The following SLC35F5 variants were observed in gnomAD, a reference collection of about 807,000 sequenced individuals.
SLC35F5 encodes the protein HCV NS5A-transactivated protein 3.
SLC35F5 carries 54 observed loss-of-function variants against 68.6 expected under a neutral mutation model. The ratio of observed to expected loss-of-function variants is 0.79; its 90% CI spans 0.63 to 0.99. The LOEUF is 0.99. SLC35F5 is among the 50% of genes least tolerant of loss of function. SLC35F5 has a pLI of 0.00. For missense variants in SLC35F5, 567 were observed against 626.9 expected (o/e 0.90, Z 1.02); for synonymous variants, 211 against 205.2 (o/e 1.03, Z -0.24).
At chr2:113,726,419 ATT>A (rs1687665885) in intron 11 of SLC35F5, among the ~76,000 whole-genome samples, 1 of 152,216 alleles carries the variant, frequency 6.6e-6, no homozygotes, top group South Asian at 2.1e-4. Context: ...TCTATAATAA[ATT>A]TTGTTGTACT....
chr2:113,722,366 A>C (rs1687477772), intron 13 of SLC35F5, among the ~76,000 whole-genome samples: 1 of 146,478 alleles, frequency 6.8e-6, no homozygotes, highest in African/African-American at 2.5e-5. Context: ...TTCAAATTAT[A>C]TTAGACTAAA....
intron 3 of SLC35F5, among the ~76,000 whole-genome samples, chr2:113,750,821 C>T (rs1167016426): frequency 2.0e-5 from 3 of 152,226 alleles, no homozygotes; most frequent in East Asian, 1.9e-4. Context: ...GGACCTACCA[C>T]GAAACAGTGC....
rs1428305387 is a variant in SLC35F5 at position 113,729,519 on chromosome 2, CAT to C, written c.986-16_986-15del. 4 of 1,454,112 alleles carry C rather than the reference CAT, an allele frequency of 2.8e-6. No individual in the cohort carries two copies. In the East Asian group the frequency reaches 9.2e-5, roughly 34 times the overall value. 90.1% of individuals were successfully genotyped at this position (1,454,112 alleles called of 1,614,324 possible). Reference sequence around the variant, plus strand: ...ACCAAATGGAACCTGTAAAAATGGACATGATTTAAAGCAATCACTCATTAGCT... The same window carrying C: ...ACCAAATGGAACCTGTAAAAATGGACGATTTAAAGCAATCACTCATTAGCT... On this transcript the variant is annotated splice_polypyrimidine_tract_variant and intron_variant, in intron 10 of 15. Coordinates refer to ENST00000245680, the MANE Select transcript of SLC35F5 (RefSeq NM_025181.5).
rs774934312 is a variant in SLC35F5 at position 113,723,176 on chromosome 2, T to C, written c.1269A>G (p.Ser423=). The change falls in exon 13 of 16, where the codon TCA becomes TCG. Residue 423 remains serine, a synonymous_variant. Coordinates refer to ENST00000245680, the MANE Select transcript of SLC35F5 (RefSeq NM_025181.5). ...FLWLWGCFLT[S]SLIGTLALSL... Reference sequence around the variant, plus strand: ...TTAGTGCAAGTGTGCCTATCAATGATGAGGTAAGAAAGCAGCCCCTAAAAA... The same window carrying C: ...TTAGTGCAAGTGTGCCTATCAATGACGAGGTAAGAAAGCAGCCCCTAAAAA... 3 of 1,591,214 alleles carry C rather than the reference T, an allele frequency of 1.9e-6. No homozygotes were observed. The highest frequency in any genetic ancestry group is 4.5e-5 in the East Asian group (2 of 44,042).
In SLC35F5 at chr2:113,712,323, CTTTT is replaced by C. The variant is rs71969221; in HGVS notation, c.*2891_*2894del. Among the ~76,000 whole-genome samples the C allele has an allele frequency of 6.7e-6, 1 of 148,238 alleles. No individual in the cohort carries two copies. Among genetic ancestry groups the C allele is most frequent in the African/African-American group, 2.5e-5 (1 of 40,516 alleles). On this transcript the variant is annotated 3_prime_UTR_variant, in exon 16 of 16. Coordinates refer to ENST00000245680, the MANE Select transcript of SLC35F5 (RefSeq NM_025181.5). Reference sequence around the variant, plus strand: ...AAAGCATTCATTTCAAAAGTATTCACTTTTTTTTTTTTTGAGACGGAGTCTCGCT... The same window carrying C: ...AAAGCATTCATTTCAAAAGTATTCACTTTTTTTTTGAGACGGAGTCTCGCT...
At chr2:113,755,362 A>G in intron 2 of SLC35F5, 56 bp from the exon 3 acceptor site, 1 of 1,606,694 alleles carries the variant, frequency 6.2e-7, no homozygotes, top group Non-Finnish European at 8.5e-7. Context: ...AACAACCATT[A>G]AAAATGAGAA....
At chr2:113,755,756 C>G in intron 1 of SLC35F5, 2 of 1,155,256 alleles carry the variant, frequency 1.7e-6, no homozygotes, top group Non-Finnish European at 2.5e-6. Flanking sequence ...ACGGGGCGGG[C>G]AGGGAGGGGG....
In SLC35F5 at chr2:113,755,283, A is replaced by G. The variant is rs201324940; in HGVS notation, c.155T>C (p.Val52Ala). ...KTRLQMVCVFVMNRMNSQNSG... is the reference protein window; with the variant it reads ...KTRLQMVCVFAMNRMNSQNSG... ...GTTCTGGGAATTCATTCGGTTCATGACAAATACACACACCATTTGCAGTCT... is the reference window on the plus strand; with the variant it reads ...GTTCTGGGAATTCATTCGGTTCATGGCAAATACACACACCATTTGCAGTCT... The change falls in exon 3 of 16, where the codon GTC becomes GCC. Residue 52 changes from valine (V) to alanine (A), a missense_variant. Val to Ala is a moderately conservative substitution (Grantham distance 64, BLOSUM62 0). Coordinates refer to ENST00000245680, the MANE Select transcript of SLC35F5 (RefSeq NM_025181.5). The G allele has an allele frequency of 1.2e-6, 2 of 1,614,076 alleles. No homozygotes were observed. Among genetic ancestry groups the G allele is most frequent in the African/African-American group, 2.7e-5 (2 of 74,940 alleles).
chr2:113,703,547 C>T (rs1175333557), downstream of SLC35F5: 1 of 152,162 alleles, frequency 6.6e-6, no homozygotes, highest in African/African-American at 2.4e-5. Context: ...TTTTCTCACT[C>T]CTCTCCAGCT....
Position 113,707,345 on chromosome 2 carries a change from T to G in SLC35F5, c.*7873A>C, listed in dbSNP as rs899137636. 2.0e-5 allele frequency among the ~76,000 whole-genome samples: 3 copies of G among 152,208 alleles called. No homozygotes were observed. The highest frequency in any genetic ancestry group is 4.8e-5 in the African/African-American group (2 of 41,458). ...TTAATCAGAATGATGCAATCTTGTC[T>G]TATATAAATATACAAATCACAGTAT... On this transcript the variant is annotated 3_prime_UTR_variant, in exon 16 of 16. Transcript: ENST00000245680.
At position 113,711,614 on chromosome 2, in the gene SLC35F5, C is replaced by T. The variant is rs1241402062; in HGVS notation, c.*3604G>A. 6.6e-6 allele frequency among the ~76,000 whole-genome samples: 1 copy of T among 152,128 alleles called. No homozygotes were observed. The highest frequency in any genetic ancestry group is 1.5e-5 in the Non-Finnish European group (1 of 68,012). On this transcript the variant is annotated 3_prime_UTR_variant, in exon 16 of 16. Coordinates refer to ENST00000245680, the MANE Select transcript of SLC35F5 (RefSeq NM_025181.5). ...GACACGGCAGACTATTAAAATAGAA[C>T]TCAAACTTCAAATTCTGTAAACTGA...
intron 8 of SLC35F5, among the ~76,000 whole-genome samples, chr2:113,735,363 T>A (rs1688047539): frequency 6.6e-6 from 1 of 152,194 alleles, no homozygotes; most frequent in Non-Finnish European, 1.5e-5. Flanking sequence ...TAGAGCATAC[T>A]CACACAAACC....
At position 113,742,745 on chromosome 2, in the gene SLC35F5, C is replaced by T. The variant is rs776807826; in HGVS notation, c.697G>A (p.Gly233Arg). The T allele has an allele frequency of 6.2e-7, 1 of 1,614,022 alleles. No individual in the cohort carries two copies. Among genetic ancestry groups the T allele is most frequent in the South Asian group, 1.1e-5 (1 of 91,064 alleles). ...KEQESILKTV[G>R]KLTATQVAKI... Reference sequence around the variant, plus strand: ...GCTACTTGAGTTGCAGTAAGTTTCCCCACAGTTTTCAGTATGGATTCTTGT... The same window carrying T: ...GCTACTTGAGTTGCAGTAAGTTTCCTCACAGTTTTCAGTATGGATTCTTGT... The change falls in exon 7 of 16, where the codon GGG becomes AGG. Residue 233 changes from glycine to arginine, a missense_variant. Gly to Arg is a moderately radical substitution (Grantham distance 125). Transcript: ENST00000245680.
At position 113,734,626 on chromosome 2, in the gene SLC35F5, C is replaced by T. The variant is rs1385069553; in HGVS notation, c.880G>A (p.Asp294Asn). 6.2e-7 allele frequency: 1 copy of T among 1,606,558 alleles called. No homozygotes were observed. Among genetic ancestry groups the T allele is most frequent in the Non-Finnish European group, 8.5e-7 (1 of 1,174,400 alleles). ...LAAVFPSNSG[D>N]RFTLSKLLAV... ...AATAGTTTAGAAAGGGTAAATCTAT[C>T]TCCACTGTTACTTGGAAATACTGCA... Residue 294 changes from aspartate (D) to asparagine (N), a missense_variant, in exon 9 of 16, where the codon GAT becomes AAT. Physicochemically the swap from Asp to Asn is conservative, Grantham distance 23. Transcript: ENST00000245680.
At chr2:113,756,082 G>T (rs1676973241) in intron 1 of SLC35F5, 5 of 1,452,162 alleles carry the variant, frequency 3.4e-6, no homozygotes, top group Non-Finnish European at 4.5e-6. Flanking sequence ...AAAAGAAACA[G>T]CTGGGAAAAG....
In SLC35F5 at chr2:113,710,942, C is replaced by G. The variant is rs1367184099; in HGVS notation, c.*4276G>C. 1.3e-5 allele frequency among the ~76,000 whole-genome samples: 2 copies of G among 152,164 alleles called. No homozygotes were observed. The highest frequency in any genetic ancestry group is 2.4e-5 in the African/African-American group (1 of 41,432). ...CATAGGAAAATCAAGTAGAGAAATACTGAATGCCTAGCATACAACGATCTA... is the reference window on the plus strand; with the variant it reads ...CATAGGAAAATCAAGTAGAGAAATAGTGAATGCCTAGCATACAACGATCTA... On this transcript the variant is annotated 3_prime_UTR_variant, in exon 16 of 16. Transcript: ENST00000245680.
At chr2:113,730,575 A>C (rs1483012311) in intron 10 of SLC35F5, among the ~76,000 whole-genome samples, 1 of 152,180 alleles carries the variant, frequency 6.6e-6, no homozygotes, top group Non-Finnish European at 1.5e-5. Flanking sequence ...CAAATATCTA[A>C]AGAAGTATTC....
chr2:113,725,668 G>T, intron 11 of SLC35F5, 131 bp from the exon 12 acceptor site: 1 of 794,474 alleles, frequency 1.3e-6, no homozygotes. Flanking sequence ...AACTTCTGTT[G>T]GTTTGTTTTT....
In SLC35F5 at chr2:113,742,795, G is replaced by A; in HGVS notation, c.647C>T (p.Ser216Phe). The change falls in exon 7 of 16, where the codon TCT becomes TTT. Residue 216 changes from serine to phenylalanine, a missense_variant. Coordinates refer to ENST00000245680, the MANE Select transcript of SLC35F5 (RefSeq NM_025181.5). ...PSSHALEAKL[S>F]RMSYPVKEQE... The stretch of plus-strand genomic sequence containing the variant: ...TTCTTTCACAGGATATGACATGCGA[G>A]ACAACTTTGCTTCCAATGCATGACT... 6.2e-7 allele frequency: 1 copy of A among 1,614,110 alleles called. No homozygotes were observed. The highest frequency in any genetic ancestry group is 1.1e-5 in the South Asian group (1 of 91,082).
Sources: allele counts gnomAD v4.1 joint callset (sites outside exome capture counted in the v4.1 genomes callset), GRCh38; gene constraint gnomAD v4.1.1; transcripts MANE v1.5; gene names NCBI Gene and HGNC (gene_info 2026-07-23, HGNC 2026-07-21).